Variants in PARD6G observed in about 807,000 individuals in gnomAD.
The protein encoded by PARD6G is par-6 family cell polarity regulator gamma.
In PARD6G, 7 loss-of-function variants were observed where a neutral mutation model predicts 10.7. That is an observed-to-expected ratio of 0.66 (90% confidence interval 0.37 to 1.23). The LOEUF (loss-of-function observed/expected upper bound fraction) is 1.23, where lower values mean the gene tolerates loss of function less well. PARD6G is among the 50% of genes most tolerant of loss of function. The pLI, the probability that PARD6G is intolerant of heterozygous loss-of-function variation, is 0.02. For missense variants in PARD6G, 548 were observed against 571.8 expected, an observed-to-expected ratio of 0.96 and a Z score of 0.42; for synonymous variants, 287 against 269.4, an observed-to-expected ratio of 1.07 and a Z score of -0.64.
intron 2 of PARD6G, among the ~76,000 whole-genome samples, chr18:80,199,179 G>A (rs1031314478): frequency 2.0e-5 from 3 of 152,218 alleles, no homozygotes; most frequent in African/African-American, 7.2e-5. Flanking sequence ...GGGGGACACA[G>A]GGTTAGGTTC....
At chr18:80,214,503 C>T (rs1422924861) in intron 1 of PARD6G, among the ~76,000 whole-genome samples, 2 of 151,850 alleles carry the variant, frequency 1.3e-5, no homozygotes, top group South Asian at 2.1e-4. Context: ...ATAGAGAATA[C>T]CAATGAAGAG....
Position 80,240,468 on chromosome 18 carries a change from C to G in PARD6G, c.72+6809G>C, listed in dbSNP as rs76592941. The stretch of plus-strand genomic sequence containing the variant: ...ACACTGATTGTGTCCCTAATATAAA[C>G]AAGGCACTGCTCTTCCCACCTCCAA... On this transcript the variant is annotated intron_variant, in intron 1 of 2. Coordinates refer to ENST00000353265, the MANE Select transcript of PARD6G (RefSeq NM_032510.4). Among the ~76,000 whole-genome samples, 662 of 152,266 alleles carry G rather than the reference C, an allele frequency of 4.3e-3. 10 individuals carry two copies. The highest frequency in any genetic ancestry group is 0.024 in the Middle Eastern group (7 of 294).
intron 1 of PARD6G, among the ~76,000 whole-genome samples, chr18:80,206,847 T>C (rs1301611699): frequency 6.6e-6 from 1 of 152,194 alleles, no homozygotes; most frequent in African/African-American, 2.4e-5. Flanking sequence ...AATGAAAGAT[T>C]CTTCAGATGT....
chr18:80,245,426 T>G (rs982545723), intron 1 of PARD6G, among the ~76,000 whole-genome samples: 1 of 152,118 alleles, frequency 6.6e-6, no homozygotes, highest in African/African-American at 2.4e-5. Flanking sequence ...GGAAAACTGC[T>G]CTGCACCTTG....
At chr18:80,177,415 A>G (rs1179186268) in intron 2 of PARD6G, among the ~76,000 whole-genome samples, 3 of 151,504 alleles carry the variant, frequency 2.0e-5, no homozygotes, top group African/African-American at 7.3e-5. Flanking sequence ...ATACACACAC[A>G]TACACGCAAA....
At chr18:80,240,542 T>C (rs886412231) in intron 1 of PARD6G, among the ~76,000 whole-genome samples, 1 of 152,088 alleles carries the variant, frequency 6.6e-6, no homozygotes, top group African/African-American at 2.4e-5. Context: ...GCAGCTAGGG[T>C]TCTGAACTGG....
intron 2 of PARD6G, among the ~76,000 whole-genome samples, chr18:80,177,742 G>A (rs1209952156): frequency 2.0e-5 from 3 of 149,286 alleles, no homozygotes; most frequent in African/African-American, 7.4e-5. Flanking sequence ...ATAAATCACA[G>A]TCCAAATGGG....
At chr18:80,187,263 G>A (rs1000353914) in intron 2 of PARD6G, among the ~76,000 whole-genome samples, 2 of 152,172 alleles carry the variant, frequency 1.3e-5, no homozygotes, top group Middle Eastern at 3.2e-3. Context: ...GATGGCACGC[G>A]TGGGTGGGTG....
In PARD6G at chr18:80,180,128, G is replaced by A. The variant is rs1215220531; in HGVS notation, c.296-19522C>T. 9.9e-5 allele frequency among the ~76,000 whole-genome samples: 15 copies of A among 152,262 alleles called. No homozygotes were observed. The highest frequency in any genetic ancestry group is 1.5e-5 in the Non-Finnish European group (1 of 68,048). On this transcript the variant is annotated intron_variant, in intron 2 of 2. Coordinates refer to ENST00000353265, the MANE Select transcript of PARD6G (RefSeq NM_032510.4). This position sits in a 1 kb window ranked among gnomAD's most constrained non-coding sequence, Gnocchi z 5.6. ...AAAAGTGGCACAGAGGCCTGGCTGGGTGAACCAGGGCCCGGGACGGGAATG... is the reference window on the plus strand; with the variant it reads ...AAAAGTGGCACAGAGGCCTGGCTGGATGAACCAGGGCCCGGGACGGGAATG...
chr18:80,245,967 G>A (rs1331030262), intron 1 of PARD6G, among the ~76,000 whole-genome samples: 1 of 152,106 alleles, frequency 6.6e-6, no homozygotes, highest in Admixed American at 6.5e-5. Flanking sequence ...GTAGCAGGCT[G>A]GAGAGGCGGC....
At chr18:80,206,670 AC>A (rs1218121548) in intron 1 of PARD6G, among the ~76,000 whole-genome samples, 1 of 152,246 alleles carries the variant, frequency 6.6e-6, no homozygotes, top group African/African-American at 2.4e-5. Context: ...ACTCTCATCT[AC>A]CTGAGTGTGC....
At chr18:80,222,928 A>G (rs1264147989) in intron 1 of PARD6G, among the ~76,000 whole-genome samples, 2 of 152,118 alleles carry the variant, frequency 1.3e-5, no homozygotes, top group Non-Finnish European at 2.9e-5. Context: ...CACCTGCCTC[A>G]GCCTCCCAAA....
At chr18:80,195,424 G>A (rs376280008) in intron 2 of PARD6G, among the ~76,000 whole-genome samples, 5 of 151,336 alleles carry the variant, frequency 3.3e-5, no homozygotes, top group South Asian at 4.2e-4. Flanking sequence ...GTGCTATTCC[G>A]GCAGGAAAGC....
chr18:80,247,281 C>G lies in PARD6G; in HGVS notation c.68G>C (p.Ser23Thr), dbSNP rs764768362. 2 of 1,578,768 alleles carry G rather than the reference C, an allele frequency of 1.3e-6. No individual in the cohort carries two copies. Among genetic ancestry groups the G allele is most frequent in the East Asian group, 4.9e-5 (2 of 40,592 alleles). The change falls in exon 1 of 3, where the codon AGC becomes ACC. Residue 23 changes from serine (S) to threonine (T), a missense_variant. This residue lies in a region of PARD6G where 235 missense variants were observed against 291.9 expected (regional missense o/e 0.81). Coordinates refer to ENST00000353265, the MANE Select transcript of PARD6G (RefSeq NM_032510.4). This position sits in a 1 kb window ranked among gnomAD's most constrained non-coding sequence, Gnocchi z 4.2. ...FYDCSAVEVK[S>T]KFGAEFRRFS... ...CGGGGCGGGCGGGGGGCTTACCTTG[C>G]TCTTGACTTCCACTGCGCTGCAATC... is the stretch of plus-strand genomic sequence containing the variant.
chr18:80,197,220 C>G (rs1164784841), intron 2 of PARD6G, among the ~76,000 whole-genome samples: 2 of 152,178 alleles, frequency 1.3e-5, no homozygotes, highest in African/African-American at 2.4e-5. Flanking sequence ...AATTTAAAAA[C>G]CAAACATACC....
At chr18:80,195,556 T>TATATATATATATATATATATAC (rs1568434475) in intron 2 of PARD6G, among the ~76,000 whole-genome samples, 1 of 101,314 alleles carries the variant, frequency 9.9e-6, no homozygotes, top group African/African-American at 4.8e-5. Flanking sequence ...TACATATATA[T>TATATATATATATATATATATAC]ATATATATAT....
At chr18:80,168,440 G>T (rs1441890935) in intron 2 of PARD6G, among the ~76,000 whole-genome samples, 1 of 151,966 alleles carries the variant, frequency 6.6e-6, no homozygotes, top group East Asian at 1.9e-4. Context: ...GAAAAAAATT[G>T]TCACTGCTTC....
intron 2 of PARD6G, among the ~76,000 whole-genome samples, chr18:80,186,580 C>T (rs558129888): frequency 6.6e-6 from 1 of 152,212 alleles, no homozygotes; most frequent in East Asian, 1.9e-4. Context: ...CTTGCACACC[C>T]CCCCAAAGGA....
intron 2 of PARD6G, among the ~76,000 whole-genome samples, chr18:80,187,178 A>T (rs2052884655): frequency 6.6e-6 from 1 of 151,856 alleles, no homozygotes; most frequent in African/African-American, 2.4e-5. Context: ...GGCTGCTCCT[A>T]AGGACATGGG....
Sources: allele counts gnomAD v4.1 joint callset (sites outside exome capture counted in the v4.1 genomes callset), GRCh38; gene constraint gnomAD v4.1.1; regional missense constraint gnomAD v4.1.1; non-coding constraint Gnocchi (gnomAD v3.1); transcripts MANE v1.5; gene names NCBI Gene and HGNC (gene_info 2026-07-23, HGNC 2026-07-21).